Variants in WASF3 observed in about 807,000 individuals in gnomAD.
The protein encoded by WASF3 is actin-binding protein WASF3.
Under a neutral mutation model 46.6 loss-of-function variants are expected in WASF3, and 11 were observed. That is an observed-to-expected ratio of 0.24 (90% CI 0.15 to 0.39). The LOEUF is 0.39. WASF3 is among the 10% of genes least tolerant of loss of function. The pLI, the probability that WASF3 is intolerant of heterozygous loss-of-function variation, is 1.00. For missense variants in WASF3, 576 were observed against 669.8 expected (o/e 0.86, Z 1.55); for synonymous variants, 242 against 259.7 (o/e 0.93, Z 0.65).
intron 3 of WASF3, among the ~76,000 whole-genome samples, chr13:26,649,459 C>T (rs1200443314): frequency 6.6e-6 from 1 of 152,096 alleles, no homozygotes; most frequent in Non-Finnish European, 1.5e-5. Flanking sequence ...GGAAGTCACT[C>T]CTGTCTACAC....
rs548213725 is a variant in WASF3 at position 26,632,806 on chromosome 13, C to T, written c.-10-9455C>T. ...GGCTGTGAATCTGTCTGGTCCTGGA[C>T]TTTTTTTGGTGGGTAGGCTATTAAT... On this transcript the variant is annotated intron_variant, in intron 2 of 9. Coordinates refer to ENST00000335327, the MANE Select transcript of WASF3 (RefSeq NM_006646.6). Among the ~76,000 whole-genome samples the T allele has an allele frequency of 5.3e-5, 8 of 152,108 alleles. No homozygotes were observed. The South Asian group carries it at 1.7e-3, about 32-fold the overall frequency.
chr13:26,571,997 C>T (rs1388274412), intron 1 of WASF3, among the ~76,000 whole-genome samples: 4 of 152,132 alleles, frequency 2.6e-5, no homozygotes, highest in African/African-American at 9.7e-5. Context: ...TACATTCTAA[C>T]TGGTTATTCT....
At chr13:26,569,506 G>C (rs558937659) in intron 1 of WASF3, among the ~76,000 whole-genome samples, 2 of 152,260 alleles carry the variant, frequency 1.3e-5, no homozygotes, top group African/African-American at 4.8e-5. Context: ...AAAATATGTT[G>C]ATTAGAATCA....
chr13:26,550,938 GATGTGGTTTGGCTCT>G, the WASF3 span, among the ~76,000 whole-genome samples: 1 of 152,172 alleles, frequency 6.6e-6, no homozygotes, highest in African/African-American at 2.4e-5. Context: ...CTTCATGTCT[GATGTGGTTTGGCTCT>G]ATGTCCCCAC....
chr13:26,590,766 G>A (rs1448595461), intron 1 of WASF3, among the ~76,000 whole-genome samples: 1 of 152,148 alleles, frequency 6.6e-6, no homozygotes, highest in Non-Finnish European at 1.5e-5. Flanking sequence ...ACTGATCTGG[G>A]CACTGGGACA....
chr13:26,680,043 A>G (rs1883179336), intron 7 of WASF3: 6 of 1,596,652 alleles, frequency 3.8e-6, no homozygotes, highest in Non-Finnish European at 8.5e-7. Flanking sequence ...AGAGAGAGAA[A>G]CACAAGCTGA....
rs566385087 is a variant in WASF3, at chr13:26,636,873, T to C, written c.-10-5388T>C. Among the ~76,000 whole-genome samples, 215 of 151,264 alleles carry C rather than the reference T, an allele frequency of 1.4e-3. 1 individual carries two copies. The highest frequency in any genetic ancestry group is 4.7e-3 in the African/African-American group (190 of 40,586). On this transcript the variant is annotated intron_variant, in intron 2 of 9. Transcript: ENST00000335327. ...TAATCAGCACTGGGCTTCCTCAGCA[T>C]TGGGGGATGCAAGATATAACAAATT...
chr13:26,586,327 G>A (rs951207923), intron 1 of WASF3, among the ~76,000 whole-genome samples: 2 of 152,086 alleles, frequency 1.3e-5, no homozygotes, highest in African/African-American at 4.8e-5. Context: ...AAGGGGTAAA[G>A]TGAGGACTCA....
intron 1 of WASF3, among the ~76,000 whole-genome samples, chr13:26,562,884 C>CCCCTTT (rs150786438): frequency 0.82 from 107,765 of 131,350 alleles, 44,297 homozygotes; most frequent in East Asian, 0.89. Context: ...CCTTCCCCTT[C>CCCCTTT]GCCTCCCTCC....
chr13:26,684,587 A>T (rs574206419), intron 9 of WASF3, among the ~76,000 whole-genome samples: 1 of 152,318 alleles, frequency 6.6e-6, no homozygotes, highest in South Asian at 2.1e-4. Flanking sequence ...TAGGATAGAT[A>T]GTAGTAGTGT....
chr13:26,639,084 A>G (rs1881917409), intron 2 of WASF3, among the ~76,000 whole-genome samples: 1 of 152,212 alleles, frequency 6.6e-6, no homozygotes, highest in African/African-American at 2.4e-5. Context: ...CTCTTTATAA[A>G]CTACCCAGTC....
chr13:26,686,061 A>G lies in WASF3; in HGVS notation c.*216A>G. On this transcript the variant is annotated 3_prime_UTR_variant, in exon 10 of 10. Coordinates refer to ENST00000335327, the MANE Select transcript of WASF3 (RefSeq NM_006646.6). ...TAGCAAATTGTGCTGCACATGAGGA[A>G]ATAGGCTGTCACTATCACATTGTCC... The G allele has an allele frequency of 1.8e-6, 1 of 548,840 alleles. No individual in the cohort carries two copies. The highest frequency in any genetic ancestry group is 3.1e-6 in the Non-Finnish European group (1 of 319,416). The allele number at this position is 548,840 out of a possible 1,614,324, so 34.0% of individuals were successfully genotyped here. A position where few individuals can be genotyped will look rare whatever the true frequency, so the allele number is the denominator to read the frequency against.
intron 2 of WASF3, among the ~76,000 whole-genome samples, chr13:26,625,547 G>C (rs1881440169): frequency 6.6e-6 from 1 of 152,146 alleles, no homozygotes; most frequent in South Asian, 2.1e-4. Context: ...AAGAGAGAGA[G>C]AGAGAGAAAA....
chr13:26,667,444 T>G, intron 4 of WASF3, 73 bp from the exon 5 acceptor site: 2 of 1,361,050 alleles, frequency 1.5e-6, no homozygotes, highest in South Asian at 1.5e-5. Flanking sequence ...TAATTGTGAG[T>G]CAAATGGTAT....
intron 6 of WASF3, among the ~76,000 whole-genome samples, chr13:26,674,644 T>C (rs1883011007): frequency 6.6e-6 from 1 of 152,228 alleles, no homozygotes; most frequent in East Asian, 1.9e-4. Flanking sequence ...ACTTCATTCT[T>C]TTTAATAGTT....
chr13:26,684,470 A>AC (rs59253751), intron 9 of WASF3, among the ~76,000 whole-genome samples: 99,627 of 151,950 alleles, frequency 0.66, 33,349 homozygotes, highest in African/African-American at 0.78. Context: ...CATTAACAAA[A>AC]TTGACAACCA....
intron 1 of WASF3, among the ~76,000 whole-genome samples, chr13:26,580,630 T>C (rs1879950226): frequency 1.3e-5 from 2 of 150,560 alleles, no homozygotes; most frequent in Non-Finnish European, 3.0e-5. Context: ...TTCTTTCTTT[T>C]TTTTTTTTTT....
intron 1 of WASF3, among the ~76,000 whole-genome samples, chr13:26,565,185 G>GAA (rs58508606): frequency 0.47 from 65,797 of 138,810 alleles, 15,943 homozygotes; most frequent in East Asian, 0.72. Flanking sequence ...GTCTCAGAAA[G>GAA]AAAAAAAAAA....
At chr13:26,599,891 A>G (rs1283089561) in intron 1 of WASF3, among the ~76,000 whole-genome samples, 1 of 152,240 alleles carries the variant, frequency 6.6e-6, no homozygotes, top group Non-Finnish European at 1.5e-5. Flanking sequence ...GGCAAAGTGG[A>G]TAAAATATTT....
Sources: allele counts gnomAD v4.1 joint callset (sites outside exome capture counted in the v4.1 genomes callset), GRCh38; gene constraint gnomAD v4.1.1; transcripts MANE v1.5; gene names NCBI Gene and HGNC (gene_info 2026-07-23, HGNC 2026-07-21).